The following UNC5D variants were observed in gnomAD, a reference collection of about 807,000 sequenced individuals.
The protein encoded by UNC5D is netrin receptor UNC5D.
In UNC5D, 39 loss-of-function variants were observed where a neutral mutation model predicts 105.4. That is an observed-to-expected ratio of 0.37 (90% CI 0.29 to 0.48). The LOEUF (loss-of-function observed/expected upper bound fraction) is 0.48, where lower values mean the gene tolerates loss of function less well. UNC5D is among the 20% of genes least tolerant of loss of function. The pLI is 0.98. For missense variants in UNC5D, 991 were observed against 1,202.4 expected (o/e 0.82, Z 2.60); for synonymous variants, 452 against 450.4 (o/e 1.00, Z -0.04).
chr8:35,349,787 G>A (rs1206489994), intron 1 of UNC5D, among the ~76,000 whole-genome samples: 1 of 151,864 alleles, frequency 6.6e-6, no homozygotes, highest in Non-Finnish European at 1.5e-5. Flanking sequence ...CATAATTTTT[G>A]TTATTAAAAG....
intron 3 of UNC5D, among the ~76,000 whole-genome samples, chr8:35,577,102 G>A (rs968679231): frequency 6.6e-6 from 1 of 152,074 alleles, no homozygotes; most frequent in African/African-American, 2.4e-5. Flanking sequence ...TTTCAGAAGT[G>A]TTTTAGATTA....
chr8:35,712,010 T>C (rs765159740), intron 8 of UNC5D, among the ~76,000 whole-genome samples: 1 of 152,204 alleles, frequency 6.6e-6, no homozygotes, highest in African/African-American at 2.4e-5. Context: ...AAATTGGCCA[T>C]GCCTGTAATC....
intron 1 of UNC5D, among the ~76,000 whole-genome samples, chr8:35,469,619 T>C (rs1343868135): frequency 3.9e-5 from 6 of 152,314 alleles, no homozygotes. Flanking sequence ...TAATACCAAC[T>C]GCTCAATTAC....
chr8:35,412,497 G>A (rs1406846477), intron 1 of UNC5D, among the ~76,000 whole-genome samples: 2 of 150,310 alleles, frequency 1.3e-5, no homozygotes, highest in African/African-American at 4.9e-5. Flanking sequence ...ACCACAATCA[G>A]AAAGATCTGA....
At chr8:35,438,581 CTTAT>C (rs1023369696) in intron 1 of UNC5D, among the ~76,000 whole-genome samples, 1 of 151,674 alleles carries the variant, frequency 6.6e-6, no homozygotes, top group African/African-American at 2.4e-5. Flanking sequence ...CAAGGATCAC[CTTAT>C]TTGTGTGTGT....
At chr8:35,380,963 A>G (rs1486776071) in intron 1 of UNC5D, among the ~76,000 whole-genome samples, 1 of 147,232 alleles carries the variant, frequency 6.8e-6, no homozygotes, top group African/African-American at 2.5e-5. Flanking sequence ...TCACTGAATA[A>G]TGAGTAAAAG....
At chr8:35,751,376 G>A (rs1012317081) in intron 13 of UNC5D, among the ~76,000 whole-genome samples, 3 of 152,160 alleles carry the variant, frequency 2.0e-5, no homozygotes, top group African/African-American at 7.2e-5. Flanking sequence ...GCATGACTCC[G>A]AAACCATAAT....
chr8:35,718,258 C>T (rs748421988), intron 8 of UNC5D, among the ~76,000 whole-genome samples: 8 of 152,088 alleles, frequency 5.3e-5, no homozygotes, highest in African/African-American at 1.7e-4. Context: ...TGTAAAGCTT[C>T]GTTTATGAAA....
intron 4 of UNC5D, among the ~76,000 whole-genome samples, chr8:35,668,926 G>A (rs968799006): frequency 6.6e-6 from 1 of 151,758 alleles, no homozygotes; most frequent in Non-Finnish European, 1.5e-5. Context: ...TTTCTGATTT[G>A]TCTGTTACCT....
At chr8:35,406,612 G>A (rs1273604895) in intron 1 of UNC5D, among the ~76,000 whole-genome samples, 10 of 152,062 alleles carry the variant, frequency 6.6e-5, no homozygotes, top group East Asian at 5.8e-4. Context: ...AGAGAATCTC[G>A]GACTGAGTGA....
chr8:35,335,569 C>A (rs1190656633), intron 1 of UNC5D, among the ~76,000 whole-genome samples: 1 of 151,904 alleles, frequency 6.6e-6, no homozygotes, highest in Non-Finnish European at 1.5e-5. Flanking sequence ...AATTTTTAAG[C>A]TTATATCTCA....
At chr8:35,506,557 G>A (rs1812317984) in intron 1 of UNC5D, among the ~76,000 whole-genome samples, 1 of 152,200 alleles carries the variant, frequency 6.6e-6, no homozygotes, top group Non-Finnish European at 1.5e-5. Flanking sequence ...TTTGAGGACT[G>A]AAGATTTAAA....
chr8:35,756,930 C>G (rs1028343014), intron 13 of UNC5D, among the ~76,000 whole-genome samples: 1 of 152,038 alleles, frequency 6.6e-6, no homozygotes, highest in East Asian at 1.9e-4. Context: ...AAGCCTAGTT[C>G]GAATACACTT....
intron 9 of UNC5D, among the ~76,000 whole-genome samples, chr8:35,725,170 T>TAAAC (rs1828792949): frequency 6.6e-6 from 1 of 152,204 alleles, no homozygotes; most frequent in South Asian, 2.1e-4. Flanking sequence ...GATCATACTT[T>TAAAC]AAACATTTTT....
chr8:35,244,949 G>C (rs1803000541), intron 1 of UNC5D, among the ~76,000 whole-genome samples: 1 of 152,070 alleles, frequency 6.6e-6, no homozygotes, highest in East Asian at 1.9e-4. Context: ...CCAGGAATTT[G>C]AGGTGACAGT....
In UNC5D at chr8:35,298,851, A is replaced by G. The variant is rs543235374; in HGVS notation, c.103+62964A>G. ...GCTTATTAAGAGAAGTGGTACTTGA[A>G]CATTAACAAAGTGATTAGGTTAGAA... is the stretch of plus-strand genomic sequence containing the variant. On this transcript the variant is annotated intron_variant, in intron 1 of 16. Coordinates refer to ENST00000404895, the MANE Select transcript of UNC5D (RefSeq NM_080872.4). 2.0e-5 allele frequency among the ~76,000 whole-genome samples: 3 copies of G among 152,372 alleles called. No individual in the cohort carries two copies. The East Asian group carries it at 5.8e-4, about 29-fold the overall frequency.
At chr8:35,474,681 C>A (rs1490506617) in intron 1 of UNC5D, among the ~76,000 whole-genome samples, 2 of 152,086 alleles carry the variant, frequency 1.3e-5, no homozygotes, top group Non-Finnish European at 2.9e-5. Context: ...ATTGGGGATC[C>A]CTGAGTTCTG....
At chr8:35,467,158 C>T (rs529845653) in intron 1 of UNC5D, among the ~76,000 whole-genome samples, 1 of 152,274 alleles carries the variant, frequency 6.6e-6, no homozygotes, top group East Asian at 1.9e-4. Context: ...GAAATTCGTA[C>T]TCCCTCACAG....
At chr8:35,250,647 A>G (rs888881512) in intron 1 of UNC5D, among the ~76,000 whole-genome samples, 2 of 152,202 alleles carry the variant, frequency 1.3e-5, no homozygotes, top group Middle Eastern at 3.4e-3. Flanking sequence ...GGTGCATGCC[A>G]CCATGTCTGG....
Sources: gnomAD v4.1 joint callset for allele counts (sites outside exome capture counted in the v4.1 genomes callset) on GRCh38, gnomAD v4.1.1 for gene constraint, MANE v1.5 for transcripts, NCBI Gene and HGNC (gene_info 2026-07-23, HGNC 2026-07-21) for gene names.